The following APELA variants were observed in gnomAD, a reference collection of about 807,000 sequenced individuals.
The protein encoded by APELA is apelin receptor early endogenous ligand, also known as protein Elabela.
At chr4:164,878,714 A>G (rs574643916) in intron 1 of APELA, among the ~76,000 whole-genome samples, 5 of 152,350 alleles carry the variant, frequency 3.3e-5, no homozygotes, top group Non-Finnish European at 7.3e-5. Context: ...AAATAGGAGT[A>G]AAAGAAGATC....
intron 2 of APELA, among the ~76,000 whole-genome samples, chr4:164,884,652 T>A (rs17045733): frequency 0.024 from 3,614 of 152,268 alleles, 125 homozygotes; most frequent in African/African-American, 0.077. Flanking sequence ...TGATCATTGT[T>A]GGTAAGTCAT....
At chr4:164,889,601 C>T (rs1334147443) in intron 2 of APELA, among the ~76,000 whole-genome samples, 2 of 152,044 alleles carry the variant, frequency 1.3e-5, no homozygotes, top group Non-Finnish European at 2.9e-5. Context: ...GTGTAGAACG[C>T]ACAGGTTTGT....
intron 2 of APELA, among the ~76,000 whole-genome samples, chr4:164,880,259 G>C (rs528502552): frequency 6.6e-6 from 1 of 152,260 alleles, no homozygotes; most frequent in East Asian, 1.9e-4. Flanking sequence ...TTCCAAACCC[G>C]GGGAAAGCCC....
At chr4:164,877,716 G>A (rs747909879) in intron 1 of APELA, among the ~76,000 whole-genome samples, 72 of 152,218 alleles carry the variant, frequency 4.7e-4, no homozygotes, top group Admixed American at 1.6e-3. Context: ...AGAAGTGTTC[G>A]TCTATTCATT....
intron 2 of APELA, among the ~76,000 whole-genome samples, chr4:164,888,279 G>C (rs1366448767): frequency 6.6e-6 from 1 of 152,216 alleles, no homozygotes; most frequent in East Asian, 1.9e-4. Context: ...AGCATCTCTT[G>C]AGTTTGGCAG....
At chr4:164,877,460 T>TG in intron 1 of APELA, 53 bp downstream of exon 1, 1 of 398,872 alleles carries the variant, frequency 2.5e-6, no homozygotes, top group Non-Finnish European at 4.4e-6. Flanking sequence ...TTTGCATCCC[T>TG]GGGTCTCTGA....
chr4:164,885,869 G>A (rs1174622252), intron 2 of APELA, among the ~76,000 whole-genome samples: 2 of 151,950 alleles, frequency 1.3e-5, no homozygotes, highest in Non-Finnish European at 2.9e-5. Context: ...TTCTAGGATG[G>A]AACTATCATT....
intron 2 of APELA, among the ~76,000 whole-genome samples, chr4:164,893,883 C>CT (rs981090681): frequency 6.6e-6 from 1 of 150,538 alleles, no homozygotes; most frequent in Non-Finnish European, 1.5e-5. Context: ...TGTCCCATGT[C>CT]TTTTTTTGTT....
intron 2 of APELA, among the ~76,000 whole-genome samples, chr4:164,893,857 T>G (rs1011334712): frequency 6.6e-6 from 1 of 152,146 alleles, no homozygotes; most frequent in South Asian, 2.1e-4. Context: ...CGCAATTTTA[T>G]TTTTTCTTTT....
intron 2 of APELA, among the ~76,000 whole-genome samples, chr4:164,883,118 T>C (rs963217375): frequency 6.6e-6 from 1 of 152,168 alleles, no homozygotes; most frequent in Non-Finnish European, 1.5e-5. Context: ...TTCCCAACTC[T>C]TCCTGCAATT....
At chr4:164,897,912 A>G (rs1731004565), downstream of APELA, among the ~76,000 whole-genome samples, 5 of 152,234 alleles carry the variant, frequency 3.3e-5, no homozygotes, top group Admixed American at 2.6e-4. Context: ...TTTCTTGGAG[A>G]TAGAGTCTCA....
At chr4:164,891,773 T>C (rs1251802275) in intron 2 of APELA, among the ~76,000 whole-genome samples, 2 of 152,114 alleles carry the variant, frequency 1.3e-5, no homozygotes, top group Non-Finnish European at 2.9e-5. Context: ...CTAATCTGGG[T>C]TTCTTTTTTC....
intron 2 of APELA, among the ~76,000 whole-genome samples, chr4:164,881,634 G>T (rs1461450595): frequency 6.6e-6 from 1 of 151,954 alleles, no homozygotes; most frequent in Non-Finnish European, 1.5e-5. Context: ...AAGTCTACAG[G>T]TTAATGTGAG....
chr4:164,890,725 G>A (rs1013348303), intron 2 of APELA, among the ~76,000 whole-genome samples: 2 of 152,048 alleles, frequency 1.3e-5, no homozygotes, highest in African/African-American at 4.8e-5. Context: ...AGTTTTTGTT[G>A]GAACATATGT....
At chr4:164,895,296 T>C (rs1730952678) in intron 2 of APELA, 120 bp from the exon 3 acceptor site, 1 of 152,112 alleles carries the variant, frequency 6.6e-6, no homozygotes, top group African/African-American at 2.4e-5. Context: ...CTTTCAGCAC[T>C]GATAAACACT....
chr4:164,886,894 C>T (rs1730783268), intron 2 of APELA, among the ~76,000 whole-genome samples: 1 of 151,804 alleles, frequency 6.6e-6, no homozygotes, highest in African/African-American at 2.4e-5. Flanking sequence ...GGCACAATCT[C>T]GGCTCACTGC....
chr4:164,878,893 C>T (rs1472426402), intron 1 of APELA, 27 bp from the exon 2 acceptor site: 4 of 398,734 alleles, frequency 1.0e-5, no homozygotes, highest in African/African-American at 8.2e-5. Context: ...GAAAAATGCT[C>T]CTAATACTTC....
intron 1 of APELA, among the ~76,000 whole-genome samples, chr4:164,878,417 C>T (rs1404074168): frequency 6.6e-6 from 1 of 152,090 alleles, no homozygotes; most frequent in Non-Finnish European, 1.5e-5. Context: ...GAGTTTATTT[C>T]GAATGATGTC....
At chr4:164,884,985 C>A (rs750299429) in intron 2 of APELA, among the ~76,000 whole-genome samples, 32 of 152,124 alleles carry the variant, frequency 2.1e-4, no homozygotes, top group African/African-American at 7.7e-4. Flanking sequence ...AAGTCCTTAA[C>A]GCCTGGCATT....
Sources: allele counts gnomAD v4.1 joint callset (sites outside exome capture counted in the v4.1 genomes callset), GRCh38; gene constraint gnomAD v4.1.1; transcripts MANE v1.5; gene names NCBI Gene and HGNC (gene_info 2026-07-23, HGNC 2026-07-21).